The following ADAMTS12 variants were observed in gnomAD, a reference collection of about 807,000 sequenced individuals.
ADAMTS12 encodes ADAM metallopeptidase with thrombospondin type 1 motif 12.
A neutral mutation model predicts 167.8 loss-of-function variants in ADAMTS12; 118 were observed. The ratio of observed to expected loss-of-function variants is 0.70; its 90% CI spans 0.61 to 0.82. The LOEUF is 0.82. ADAMTS12 is among the 40% of genes least tolerant of loss of function. The probability of loss-of-function intolerance (pLI) is 0.00; values close to 1 mark genes in which losing one functional copy is unlikely to be tolerated. For synonymous variants in ADAMTS12, 704 were observed against 716.9 expected (o/e 0.98, Z 0.29); for missense variants, 1,916 against 1,998.8 (o/e 0.96, Z 0.79).
intron 10 of ADAMTS12, 26 bp from the exon 11 acceptor site, chr5:33,641,981 G>T: frequency 6.3e-7 from 1 of 1,588,030 alleles, no homozygotes; most frequent in African/African-American, 1.3e-5. Flanking sequence ...GCAGGAGATG[G>T]CCGTATCAGG....
At chr5:33,763,431 G>A (rs1296744228) in intron 2 of ADAMTS12, among the ~76,000 whole-genome samples, 1 of 152,118 alleles carries the variant, frequency 6.6e-6, no homozygotes, top group African/African-American at 2.4e-5. Flanking sequence ...ATTCTCCCCT[G>A]GACTCTCCAA....
rs1412298878 is a variant in ADAMTS12, at chr5:33,820,339, A to T, written c.489+60780T>A. ...AACTGCCAACAATAATCAAGTTGTT[A>T]TCATGTTGGAATATGTTAAAAGCAC... On this transcript the variant is annotated intron_variant, in intron 2 of 23. Transcript: ENST00000504830. 2.6e-5 allele frequency among the ~76,000 whole-genome samples: 4 copies of T among 152,220 alleles called. No individual in the cohort carries two copies. The East Asian group carries it at 7.7e-4, about 29-fold the overall frequency.
intron 5 of ADAMTS12, among the ~76,000 whole-genome samples, chr5:33,665,238 G>A (rs1374150491): frequency 1.3e-5 from 2 of 152,152 alleles, no homozygotes; most frequent in African/African-American, 4.8e-5. Context: ...GGGGCTGGGG[G>A]AGGAGCTGGG....
intron 20 of ADAMTS12, among the ~76,000 whole-genome samples, chr5:33,555,896 C>G (rs1042184952): frequency 1.3e-5 from 2 of 152,212 alleles, no homozygotes; most frequent in African/African-American, 4.8e-5. Flanking sequence ...ACTTTGAGCA[C>G]CCTGACTGTG....
At chr5:33,694,947 T>C (rs1472809503) in intron 3 of ADAMTS12, among the ~76,000 whole-genome samples, 1 of 152,238 alleles carries the variant, frequency 6.6e-6, no homozygotes, top group African/African-American at 2.4e-5. Context: ...GTGACTCACA[T>C]ATTTGTATTG....
At chr5:33,543,284 A>C (rs2111798623) in intron 22 of ADAMTS12, among the ~76,000 whole-genome samples, 1 of 152,320 alleles carries the variant, frequency 6.6e-6, no homozygotes, top group Admixed American at 6.5e-5. Flanking sequence ...AAATTCTTGG[A>C]CACATACACC....
Position 33,839,886 on chromosome 5 carries a change from GTTC to G in ADAMTS12, c.489+41230_489+41232del, listed in dbSNP as rs201700399. 7.6e-4 allele frequency among the ~76,000 whole-genome samples: 116 copies of G among 152,350 alleles called. No individual in the cohort carries two copies. The East Asian group carries it at 0.015, about 20-fold the overall frequency. On this transcript the variant is annotated intron_variant, in intron 2 of 23. Transcript: ENST00000504830. ...AACTTCATGAAACGGGAAGAAGACA[GTTC>G]TTCTGTGTTTTACTAGGGCTGAATC...
chr5:33,810,954 A>G (rs768198334), intron 2 of ADAMTS12, among the ~76,000 whole-genome samples: 8 of 152,136 alleles, frequency 5.3e-5, no homozygotes, highest in Non-Finnish European at 1.2e-4. Flanking sequence ...GGTTCTCTCC[A>G]GTGTATCATC....
At chr5:33,813,643 A>C (rs1355867948) in intron 2 of ADAMTS12, among the ~76,000 whole-genome samples, 2 of 152,230 alleles carry the variant, frequency 1.3e-5, no homozygotes, top group African/African-American at 4.8e-5. Flanking sequence ...CCATGCTACA[A>C]GGAAACTCAA....
At chr5:33,790,090 T>C (rs952658266) in intron 2 of ADAMTS12, among the ~76,000 whole-genome samples, 2 of 152,146 alleles carry the variant, frequency 1.3e-5, no homozygotes, top group Non-Finnish European at 2.9e-5. Flanking sequence ...TGTAGTGCTC[T>C]TTAAAAAAAA....
chr5:33,683,667 C>T (rs927787692), intron 4 of ADAMTS12, among the ~76,000 whole-genome samples, 192 bp downstream of exon 4: 3 of 152,128 alleles, frequency 2.0e-5, no homozygotes, highest in Non-Finnish European at 2.9e-5. Flanking sequence ...CCAGGATACA[C>T]ATCTTTAAGG....
At position 33,546,189 on chromosome 5, in the gene ADAMTS12, C is replaced by G; in HGVS notation, c.4316G>C (p.Cys1439Ser). 2 of 1,613,026 alleles carry G rather than the reference C, an allele frequency of 1.2e-6. No homozygotes were observed. The highest frequency in any genetic ancestry group is 1.7e-6 in the Non-Finnish European group (2 of 1,179,686). Residue 1439 changes from cysteine to serine, a missense_variant, in exon 22 of 24, where the codon TGT becomes TCT. Transcript: ENST00000504830. ...VEPWSQCSRS[C>S]GGGVQERGVF... is the part of the protein sequence containing the mutation. ...TCCTCTCTCCTGAACTCCACCTCCA[C>G]AGGACCTGGAGCACTGATACACAGC...
At chr5:33,620,172 T>C (rs746030747) in intron 14 of ADAMTS12, among the ~76,000 whole-genome samples, 8 of 152,250 alleles carry the variant, frequency 5.3e-5, no homozygotes, top group Non-Finnish European at 1.2e-4. Context: ...TTTTCTACAC[T>C]AGATTCATTT....
chr5:33,683,750 T>A (rs1476393894), intron 4 of ADAMTS12, 109 bp downstream of exon 4: 1 of 713,296 alleles, frequency 1.4e-6, no homozygotes, highest in Non-Finnish European at 2.0e-6. Flanking sequence ...TATATATTTA[T>A]AAAAATAAGT....
chr5:33,578,611 G>C (rs965758278), intron 18 of ADAMTS12, among the ~76,000 whole-genome samples: 6 of 152,096 alleles, frequency 3.9e-5, no homozygotes, highest in African/African-American at 9.7e-5. Context: ...ATCAGGAATG[G>C]AAAAATTCTC....
intron 11 of ADAMTS12, among the ~76,000 whole-genome samples, chr5:33,640,316 T>C (rs1740392677): frequency 6.6e-6 from 1 of 152,204 alleles, no homozygotes; most frequent in Non-Finnish European, 1.5e-5. Flanking sequence ...TAGAACTACC[T>C]TTCTCCTGAA....
At chr5:33,824,869 T>A (rs1216781696) in intron 2 of ADAMTS12, among the ~76,000 whole-genome samples, 1 of 152,128 alleles carries the variant, frequency 6.6e-6, no homozygotes, top group African/African-American at 2.4e-5. Context: ...TCTCAGCTCA[T>A]ACTTTGATAG....
intron 3 of ADAMTS12, among the ~76,000 whole-genome samples, chr5:33,726,784 C>T (rs967965003): frequency 6.6e-6 from 1 of 152,108 alleles, no homozygotes; most frequent in Non-Finnish European, 1.5e-5. Context: ...CAGAGGCTTT[C>T]TTGGGCCAAA....
intron 2 of ADAMTS12, among the ~76,000 whole-genome samples, chr5:33,871,825 C>T (rs1750046866): frequency 6.6e-6 from 1 of 151,994 alleles, no homozygotes; most frequent in Non-Finnish European, 1.5e-5. Flanking sequence ...TTAAATATTG[C>T]CCACTCTCAG....
Sources: allele counts gnomAD v4.1 joint callset (sites outside exome capture counted in the v4.1 genomes callset), GRCh38; gene constraint gnomAD v4.1.1; transcripts MANE v1.5; gene names NCBI Gene and HGNC (gene_info 2026-07-23, HGNC 2026-07-21).